The following TSPAN7 variants were observed in gnomAD, a reference collection of about 807,000 sequenced individuals.
TSPAN7 encodes tetraspanin-7.
A neutral mutation model predicts 17.6 loss-of-function variants in TSPAN7; 1 was observed. That is an observed-to-expected ratio of 0.06 (90% CI 0.02 to 0.27). The LOEUF is 0.27. Among genes scored for constraint, TSPAN7 ranks in the 10% least tolerant of loss-of-function variants. The pLI is 1.00. For missense variants in TSPAN7, 112 were observed against 201.7 expected (o/e 0.56, Z 2.69); for synonymous variants, 78 against 79.0 (o/e 0.99, Z 0.07).
At position 38,666,279 on chromosome X, in the gene TSPAN7, A is replaced by G. The variant is rs1569314372; in HGVS notation, c.240A>G (p.Thr80=). 3 of 1,211,859 alleles carry G rather than the reference A, an allele frequency of 2.5e-6. No homozygotes were observed. Among genetic ancestry groups the G allele is most frequent in the Non-Finnish European group, 3.4e-6 (3 of 895,373 alleles). ...TTGGCCTGTTTGGATGCTTTGCTAC[A>G]TGTCGTGGTAGCCCATGGATGCTGA... ...VVFGLFGCFA[T]CRGSPWMLKL... is the part of the protein sequence containing the mutation. Residue 80 remains threonine, a synonymous_variant, in exon 2 of 8, where the codon ACA becomes ACG. Transcript: ENST00000378482.
chrX:38,666,107 T>C lies in TSPAN7; in HGVS notation c.82-14T>C. 1 of 1,209,865 alleles carries C rather than the reference T, an allele frequency of 8.3e-7. No individual in the cohort carries two copies. The highest frequency in any genetic ancestry group is 1.1e-6 in the Non-Finnish European group (1 of 894,361). ...TCTTGGCAATAGCTTCACACTCTCC[T>C]CTCCCTCTTTCAGATCACTGGGGTG... On this transcript the variant is annotated splice_polypyrimidine_tract_variant and intron_variant, in intron 1 of 7. Transcript: ENST00000378482.
chrX:38,575,490 T>C (rs2069189243), intron 1 of TSPAN7, among the ~76,000 whole-genome samples: 1 of 111,848 alleles, frequency 8.9e-6, no homozygotes, highest in African/African-American at 3.2e-5. Context: ...ATTTAATAAA[T>C]GAAAAGGAGC....
At chrX:38,623,289 G>A (rs984263621) in intron 1 of TSPAN7, among the ~76,000 whole-genome samples, 2 of 111,369 alleles carry the variant, frequency 1.8e-5, no homozygotes, top group Non-Finnish European at 3.8e-5. Context: ...ATGCCATGTG[G>A]TAAGATCAAA....
intron 1 of TSPAN7, among the ~76,000 whole-genome samples, chrX:38,645,554 A>G (rs749024895): frequency 2.7e-3 from 258 of 94,793 alleles, no homozygotes; most frequent in Admixed American, 6.9e-3. Flanking sequence ...GATTTGAAGG[A>G]AAAAAAAAAA....
chrX:38,609,002 A>G (rs2069402057), intron 1 of TSPAN7, among the ~76,000 whole-genome samples: 1 of 111,094 alleles, frequency 9.0e-6, no homozygotes, highest in Non-Finnish European at 1.9e-5. Flanking sequence ...TTGCACGTGC[A>G]TTTTTCACAT....
chrX:38,617,794 A>T (rs1166972169), intron 1 of TSPAN7, among the ~76,000 whole-genome samples: 1 of 111,717 alleles, frequency 9.0e-6, no homozygotes, highest in African/African-American at 3.3e-5. Flanking sequence ...ATCAGCCCTC[A>T]TCTTGTGAGG....
At chrX:38,630,090 A>T (rs1434091579) in intron 1 of TSPAN7, among the ~76,000 whole-genome samples, 1 of 111,749 alleles carries the variant, frequency 8.9e-6, no homozygotes, top group Non-Finnish European at 1.9e-5. Context: ...AGAAATGAAC[A>T]AAAGGGGATA....
intron 1 of TSPAN7, among the ~76,000 whole-genome samples, chrX:38,589,625 G>A (rs964419445): frequency 4.6e-4 from 51 of 112,082 alleles, no homozygotes; most frequent in African/African-American, 1.5e-3. Context: ...AATTTGGAAT[G>A]TATAGATTTA....
intron 1 of TSPAN7, among the ~76,000 whole-genome samples, chrX:38,577,656 C>A (rs1274804609): frequency 8.3e-5 from 6 of 72,435 alleles, no homozygotes; most frequent in Admixed American, 1.9e-4. Context: ...CACACCGGGG[C>A]CTGTTGTGGG....
chrX:38,676,591 T>G (rs1328054355), intron 5 of TSPAN7, among the ~76,000 whole-genome samples: 2 of 112,040 alleles, frequency 1.8e-5, no homozygotes, highest in Non-Finnish European at 3.8e-5. Flanking sequence ...ACATATATTT[T>G]GGTAAACAAA....
chrX:38,685,171 G>A (rs7877153), intron 6 of TSPAN7, among the ~76,000 whole-genome samples: 4,512 of 111,499 alleles, frequency 0.04, 217 homozygotes, highest in African/African-American at 0.14. Context: ...TAGAGGGCAG[G>A]ACAGAGCTGG....
intron 1 of TSPAN7, among the ~76,000 whole-genome samples, chrX:38,650,777 A>G (rs1243462204): frequency 9.0e-6 from 1 of 111,430 alleles, no homozygotes; most frequent in Non-Finnish European, 1.9e-5. Context: ...ACTTTTCTGG[A>G]CTTCTCATTT....
rs183681273 is a variant in TSPAN7, at chrX:38,590,749, C to A, written c.81+29122C>A. Among the ~76,000 whole-genome samples, 3 of 111,323 alleles carry A rather than the reference C, an allele frequency of 2.7e-5. No homozygotes were observed. In the Admixed American group the frequency reaches 2.9e-4, roughly 11 times the overall value. On this transcript the variant is annotated intron_variant, in intron 1 of 7. Coordinates refer to ENST00000378482, the MANE Select transcript of TSPAN7 (RefSeq NM_004615.4). The stretch of plus-strand genomic sequence containing the variant: ...TTTTACCTTTGTTTTTGAAAGCTAT[C>A]TTTTGCTAGTATAGATTCTAGGTTG...
chrX:38,674,622 A>G (rs759783476), intron 4 of TSPAN7, among the ~76,000 whole-genome samples: 13 of 111,639 alleles, frequency 1.2e-4, no homozygotes, highest in Non-Finnish European at 1.9e-4. Context: ...GTGTGTGACA[A>G]CCTTGCTTAG....
chrX:38,632,947 G>A lies in TSPAN7; in HGVS notation c.82-33174G>A, dbSNP rs771210523. Reference sequence around the variant, plus strand: ...TTCATGAACTACAGAAGTCTCTTCTGCCATTTCCTGGATCAAGGAGCATCC... The same window carrying A: ...TTCATGAACTACAGAAGTCTCTTCTACCATTTCCTGGATCAAGGAGCATCC... On this transcript the variant is annotated intron_variant, in intron 1 of 7. Coordinates refer to ENST00000378482, the MANE Select transcript of TSPAN7 (RefSeq NM_004615.4). 9.1e-4 allele frequency among the ~76,000 whole-genome samples: 102 copies of A among 112,368 alleles called. 1 individual carries two copies. The highest frequency in any genetic ancestry group is 1.4e-3 in the Non-Finnish European group (77 of 53,245).
intron 1 of TSPAN7, among the ~76,000 whole-genome samples, chrX:38,640,539 C>G (rs1179040205): frequency 8.9e-6 from 1 of 111,848 alleles, no homozygotes; most frequent in East Asian, 2.8e-4. Context: ...AAGGAGAAGC[C>G]TGGAAATTTT....
At chrX:38,664,469 A>C (rs184827660) in intron 1 of TSPAN7, among the ~76,000 whole-genome samples, 2 of 111,419 alleles carry the variant, frequency 1.8e-5, no homozygotes, top group African/African-American at 6.5e-5. Context: ...CAAGGAAAGT[A>C]CTTTTTTAAA....
At chrX:38,600,873 A>G (rs1164032795) in intron 1 of TSPAN7, among the ~76,000 whole-genome samples, 2 of 112,000 alleles carry the variant, frequency 1.8e-5, no homozygotes, top group Non-Finnish European at 3.8e-5. Flanking sequence ...CTTTAGAACA[A>G]GATTTTTTGA....
At chrX:38,600,795 T>A (rs1342135551) in intron 1 of TSPAN7, among the ~76,000 whole-genome samples, 1 of 111,976 alleles carries the variant, frequency 8.9e-6, no homozygotes, top group African/African-American at 3.2e-5. Context: ...TTCTTTCTAA[T>A]AGCAATGGGC....
Sources: allele counts gnomAD v4.1 joint callset (sites outside exome capture counted in the v4.1 genomes callset), GRCh38; gene constraint gnomAD v4.1.1; transcripts MANE v1.5; gene names NCBI Gene and HGNC (gene_info 2026-07-23, HGNC 2026-07-21).